Variants in LTO1 observed in about 807,000 individuals in gnomAD.
The protein encoded by LTO1 is protein LTO1 homolog.
A neutral mutation model predicts 19.8 loss-of-function variants in LTO1; 18 were observed. That is an observed-to-expected ratio of 0.91 (90% CI 0.63 to 1.35). LTO1 has a LOEUF of 1.35. LTO1 is among the 40% of genes most tolerant of loss of function. The pLI, the probability that LTO1 is intolerant of heterozygous loss-of-function variation, is 0.00. For synonymous variants in LTO1, 59 were observed against 59.6 expected (o/e 0.99, Z 0.05); for missense variants, 175 against 167.9 (o/e 1.04, Z -0.23).
chr11:69,667,986 A>G lies in LTO1; in HGVS notation c.254T>C (p.Leu85Ser). 1.3e-6 allele frequency: 2 copies of G among 1,567,924 alleles called. No homozygotes were observed. Among genetic ancestry groups the G allele is most frequent in the Non-Finnish European group, 1.8e-6 (2 of 1,137,916 alleles). Residue 85 changes from leucine to serine, a missense_variant, in exon 4 of 5, where the codon TTG (leucine) becomes TCG (serine). Leu to Ser is a moderately radical substitution (Grantham distance 145). Transcript: ENST00000279147. ...AGGGAATTTCTGGATCATTCCAATC[A>G]ATGATTCTAAGACCTTCATCTTTCT... ...DSRKMKVLES[L>S]IGMIQKFPYD... is the part of the protein sequence containing the mutation.
intron 2 of LTO1, 28 bp downstream of exon 2, chr11:69,673,188 T>A (rs1208755562): frequency 8.9e-7 from 1 of 1,122,996 alleles, no homozygotes; most frequent in African/African-American, 1.5e-5. Flanking sequence ...TGAAGAGGCT[T>A]CATCTCCAGA....
intron 1 of LTO1, 92 bp downstream of exon 1, chr11:69,675,098 G>T: frequency 8.4e-7 from 1 of 1,193,002 alleles, no homozygotes; most frequent in Non-Finnish European, 1.2e-6. Flanking sequence ...AGGGACGCCA[G>T]GCTCCAGCAG....
chr11:69,669,735 G>C (rs1325607062), intron 3 of LTO1, among the ~76,000 whole-genome samples: 1 of 152,216 alleles, frequency 6.6e-6, no homozygotes, highest in Non-Finnish European at 1.5e-5. Flanking sequence ...GAGCCCCCGT[G>C]CTCAGCCCCG....
rs760510760 is a variant in LTO1, at chr11:69,675,262, G to A, written c.-23C>T. On this transcript the variant is annotated 5_prime_UTR_variant, in exon 1 of 5. Transcript: ENST00000279147. Reference sequence around the variant, plus strand: ...CATAGCGGCAAGCAGCCCGCCCTTGGCCCCCGGGTTTCTGCAGCCCCGCGG... The same window carrying A: ...CATAGCGGCAAGCAGCCCGCCCTTGACCCCCGGGTTTCTGCAGCCCCGCGG... 1.6e-5 allele frequency: 23 copies of A among 1,482,184 alleles called. No individual in the cohort carries two copies. Among genetic ancestry groups the A allele is most frequent in the Non-Finnish European group, 1.9e-5 (21 of 1,117,324 alleles). 91.8% of individuals were successfully genotyped at this position (1,482,184 alleles called of 1,614,324 possible). A position where few individuals can be genotyped will look rare whatever the true frequency, so the allele number is the denominator to read the frequency against.
At chr11:69,672,342 C>T (rs1856121232) in intron 2 of LTO1, 1 of 161,644 alleles carries the variant, frequency 6.2e-6, no homozygotes, top group Admixed American at 5.8e-5. Context: ...AAAGCTGCTC[C>T]TGAGTTCCCA....
In LTO1 at chr11:69,670,721, G is replaced by C. The variant is rs566903633; in HGVS notation, c.227+1028C>G. Reference sequence around the variant, plus strand: ...TCTCCTTGTGCCCCTCCCACGCTAGGCAAGGCCACCAGGTGTCAGAATGAC... The same window carrying C: ...TCTCCTTGTGCCCCTCCCACGCTAGCCAAGGCCACCAGGTGTCAGAATGAC... On this transcript the variant is annotated intron_variant, in intron 3 of 4. Coordinates refer to ENST00000279147, the MANE Select transcript of LTO1 (RefSeq NM_153451.3). 8.5e-5 allele frequency among the ~76,000 whole-genome samples: 13 copies of C among 152,272 alleles called. No individual in the cohort carries two copies. The South Asian group carries it at 2.7e-3, about 32-fold the overall frequency.
chr11:69,674,057 G>A (rs2092547733), intron 1 of LTO1, among the ~76,000 whole-genome samples: 1 of 152,078 alleles, frequency 6.6e-6, no homozygotes, highest in African/African-American at 2.4e-5. Flanking sequence ...GTTTCACCAT[G>A]TTAGCTAGGA....
Position 69,666,273 on chromosome 11 carries a change from C to G in LTO1, c.*1246G>C, listed in dbSNP as rs893540110. ...GCAGCTTAGGCAGCACAACACAATC[C>G]ACTAGGACATTCGGGAATGGTTTTA... On this transcript the variant is annotated 3_prime_UTR_variant, in exon 5 of 5. Transcript: ENST00000279147. 3 of 152,144 alleles carry G rather than the reference C, an allele frequency of 2.0e-5. No individual in the cohort carries two copies. Among genetic ancestry groups the G allele is most frequent in the Non-Finnish European group, 4.4e-5 (3 of 67,974 alleles). The allele number at this position is 152,144 out of a possible 1,614,324, so 9.4% of individuals were successfully genotyped here.
intron 1 of LTO1, 177 bp downstream of exon 1, chr11:69,675,013 A>T: frequency 1.4e-6 from 1 of 699,528 alleles, no homozygotes; most frequent in Non-Finnish European, 2.6e-6. Context: ...GGGCCAGGAG[A>T]AGAGGACCAG....
At chr11:69,673,430 A>T in intron 1 of LTO1, 109 bp from the exon 2 acceptor site, 1 of 709,818 alleles carries the variant, frequency 1.4e-6, no homozygotes, top group South Asian at 1.7e-5. Context: ...ACCAGAGTAA[A>T]GGAGGAAAAG....
At chr11:69,668,965 T>C (rs1856071657) in intron 3 of LTO1, among the ~76,000 whole-genome samples, 2 of 149,396 alleles carry the variant, frequency 1.3e-5, no homozygotes, top group Admixed American at 6.7e-5. Context: ...GAGGTGGAGG[T>C]TGCAGTGAGC....
intron 1 of LTO1, chr11:69,674,489 A>C (rs1856158381): frequency 6.0e-6 from 2 of 332,780 alleles, no homozygotes; most frequent in African/African-American, 4.3e-5. Flanking sequence ...TAGTTGTGTG[A>C]CCCTGGAAAG....
chr11:69,671,967 T>C (rs1590924169), intron 2 of LTO1, 148 bp from the exon 3 acceptor site: 1 of 628,954 alleles, frequency 1.6e-6, no homozygotes, highest in East Asian at 2.8e-5. Context: ...CATTAGGCAA[T>C]GGAAATTAGG....
rs1341389315 is a variant in LTO1, at chr11:69,667,088, C to A, written c.*431G>T. 6.0e-6 allele frequency: 1 copy of A among 166,770 alleles called. No homozygotes were observed. Among genetic ancestry groups the A allele is most frequent in the Non-Finnish European group, 1.3e-5 (1 of 78,364 alleles). 10.3% of individuals were successfully genotyped at this position (166,770 alleles called of 1,614,324 possible). A position where few individuals can be genotyped will look rare whatever the true frequency, so the allele number is the denominator to read the frequency against. On this transcript the variant is annotated 3_prime_UTR_variant, in exon 5 of 5. Transcript: ENST00000279147. ...CTGGCACACAATCGGCCTCGACATG[C>A]GGCACAGCACCCGTCCAAACCTCCC... is the stretch of plus-strand genomic sequence containing the variant.
At chr11:69,668,287 G>A (rs1290914538) in intron 3 of LTO1, 1 of 361,202 alleles carries the variant, frequency 2.8e-6, no homozygotes, top group Non-Finnish European at 5.1e-6. Flanking sequence ...GCAGCCAGAA[G>A]CCCTGCTGAC....
intron 1 of LTO1, among the ~76,000 whole-genome samples, chr11:69,674,241 A>G (rs1856155034): frequency 6.6e-6 from 1 of 152,204 alleles, no homozygotes; most frequent in Non-Finnish European, 1.5e-5. Context: ...AAGTAGCACT[A>G]GCCCAAGTCA....
At position 69,667,570 on chromosome 11, in the gene LTO1, A is replaced by G. The variant is rs61756133; in HGVS notation, c.363T>C (p.Asn121=). The G allele has an allele frequency of 7.9e-4, 1,267 of 1,610,426 alleles. 12 individuals carry two copies. The South Asian group carries it at 0.012, about 16-fold the overall frequency. The part of the protein sequence containing the change: ...GKFKQFCSLL[N]VQPDFKISAE... Reference sequence around the variant, plus strand: ...CACTAATTTTAAAGTCTGGCTGAACATTGAGTAACGAACAAAACTGAAAAC... The same window carrying G: ...CACTAATTTTAAAGTCTGGCTGAACGTTGAGTAACGAACAAAACTGAAAAC... The change falls in exon 5 of 5, where the codon AAT becomes AAC. Residue 121 remains asparagine (N), a synonymous_variant. Coordinates refer to ENST00000279147, the MANE Select transcript of LTO1 (RefSeq NM_153451.3).
At position 69,667,532 on chromosome 11, in the gene LTO1, C is replaced by T; in HGVS notation, c.401G>A (p.Gly134Glu). Residue 134 changes from glycine to glutamate, a missense_variant, in exon 5 of 5, where the codon GGA becomes GAA. Coordinates refer to ENST00000279147, the MANE Select transcript of LTO1 (RefSeq NM_153451.3). Reference sequence around the variant, plus strand: ...CATCCATCCTCCTCAAAATGAAAGTCCGGAACCTTCTGCACTAATTTTAAA... The same window carrying T: ...CATCCATCCTCCTCAAAATGAAAGTTCGGAACCTTCTGCACTAATTTTAAA... ...PDFKISAEGS[G>E]LSF 1 of 1,609,268 alleles carries T rather than the reference C, an allele frequency of 6.2e-7. No homozygotes were observed. The highest frequency in any genetic ancestry group is 8.5e-7 in the Non-Finnish European group (1 of 1,175,522).
chr11:69,674,407 C>G (rs1856157503), intron 1 of LTO1: 2 of 248,336 alleles, frequency 8.1e-6, no homozygotes, highest in Non-Finnish European at 1.6e-5. Context: ...ACTATCTTAA[C>G]CTGCAGTCAC....
Sources: gnomAD v4.1 joint callset for allele counts (sites outside exome capture counted in the v4.1 genomes callset) on GRCh38, gnomAD v4.1.1 for gene constraint, MANE v1.5 for transcripts, NCBI Gene and HGNC (gene_info 2026-07-23, HGNC 2026-07-21) for gene names.